The following DLGAP2 variants were observed in gnomAD, a reference collection of about 807,000 sequenced individuals.
The protein encoded by DLGAP2 is DLG associated protein 2.
DLGAP2 carries 26 observed loss-of-function variants against 100.3 expected under a neutral mutation model. The observed-to-expected ratio is 0.26, with a 90% CI of 0.19 to 0.36. The LOEUF (loss-of-function observed/expected upper bound fraction) is 0.36, where lower values mean the gene tolerates loss of function less well. Ranked by LOEUF, DLGAP2 falls within the 10% of genes least tolerant of loss-of-function variation. The pLI is 1.00. For missense variants in DLGAP2, 1,858 were observed against 1,453.2 expected, an observed-to-expected ratio of 1.28 and a Z score of -4.53; for synonymous variants, 886 against 630.1, an observed-to-expected ratio of 1.41 and a Z score of -6.08.
intron 4 of DLGAP2, among the ~76,000 whole-genome samples, chr8:1,506,454 G>A (rs1051569064): frequency 6.6e-6 from 1 of 152,206 alleles, no homozygotes; most frequent in African/African-American, 2.4e-5. Flanking sequence ...TGGTCGGTTT[G>A]TGGTCTCAAT....
intron 2 of DLGAP2, among the ~76,000 whole-genome samples, chr8:1,146,827 G>A (rs1447568118): frequency 6.6e-6 from 1 of 152,204 alleles, no homozygotes; most frequent in Non-Finnish European, 1.5e-5. Flanking sequence ...ACAAGGGTAG[G>A]CCTGTTTCAG....
intron 5 of DLGAP2, among the ~76,000 whole-genome samples, chr8:1,558,855 A>G (rs1421379841): frequency 7.7e-6 from 1 of 130,050 alleles, no homozygotes. Context: ...ATACCTGCAC[A>G]CACACATACA....
chr8:834,706 C>T (rs1055144019), intron 1 of DLGAP2, among the ~76,000 whole-genome samples: 2 of 151,984 alleles, frequency 1.3e-5, no homozygotes, highest in African/African-American at 4.8e-5. Context: ...GGTGCTATGC[C>T]CTATTGGGTA....
At chr8:1,059,883 C>T (rs1803023019) in intron 2 of DLGAP2, among the ~76,000 whole-genome samples, 1 of 152,114 alleles carries the variant, frequency 6.6e-6, no homozygotes, top group Non-Finnish European at 1.5e-5. Flanking sequence ...GGTCGCGATG[C>T]AAATCGCATT....
intron 2 of DLGAP2, among the ~76,000 whole-genome samples, chr8:1,196,033 C>T (rs1797742721): frequency 6.6e-6 from 1 of 152,178 alleles, no homozygotes; most frequent in South Asian, 2.1e-4. Context: ...CTCAAATAGC[C>T]ATGACGTAGA....
chr8:1,647,694 G>A (rs983782814), intron 8 of DLGAP2, among the ~76,000 whole-genome samples: 23 of 152,112 alleles, frequency 1.5e-4, no homozygotes, highest in South Asian at 4.2e-4. Flanking sequence ...CCCTCCCCAC[G>A]CTTGAGGCTG....
intron 4 of DLGAP2, among the ~76,000 whole-genome samples, chr8:1,502,879 C>T (rs1447817735): frequency 6.6e-6 from 1 of 152,140 alleles, no homozygotes; most frequent in African/African-American, 2.4e-5. Context: ...TCTGGGGCAG[C>T]AGGAGGTACC....
At chr8:1,310,460 G>T (rs1306044669) in intron 3 of DLGAP2, among the ~76,000 whole-genome samples, 1 of 152,154 alleles carries the variant, frequency 6.6e-6, no homozygotes, top group Non-Finnish European at 1.5e-5. Context: ...TAGTAAGCAG[G>T]ACGTCTACAC....
At chr8:1,286,522 T>C (rs1799925561) in intron 3 of DLGAP2, among the ~76,000 whole-genome samples, 1 of 152,162 alleles carries the variant, frequency 6.6e-6, no homozygotes, top group Admixed American at 6.6e-5. Flanking sequence ...ATTGCATAAA[T>C]GGAGGACCGA....
chr8:1,048,333 T>A (rs554930630), intron 2 of DLGAP2, among the ~76,000 whole-genome samples: 1 of 152,126 alleles, frequency 6.6e-6, no homozygotes, highest in South Asian at 2.1e-4. Context: ...CAAGGTGAAA[T>A]GTGAATCTAG....
chr8:973,585 G>T (rs554312235), intron 2 of DLGAP2, among the ~76,000 whole-genome samples: 2 of 152,188 alleles, frequency 1.3e-5, no homozygotes, highest in Non-Finnish European at 2.9e-5. Context: ...CTGCAATCTC[G>T]GCACTTTGGG....
chr8:1,316,887 A>T (rs1267333130), intron 3 of DLGAP2, among the ~76,000 whole-genome samples: 1 of 136,396 alleles, frequency 7.3e-6, no homozygotes, highest in Non-Finnish European at 1.5e-5. Context: ...GGCAGCTTTT[A>T]AAAATAGAGC....
intron 2 of DLGAP2, among the ~76,000 whole-genome samples, chr8:1,217,271 TC>T (rs1395947041): frequency 6.6e-6 from 1 of 152,200 alleles, no homozygotes; most frequent in Non-Finnish European, 1.5e-5. Flanking sequence ...GCCTCCATGT[TC>T]CTGCAAAGGA....
intron 2 of DLGAP2, among the ~76,000 whole-genome samples, chr8:967,533 T>A (rs973699723): frequency 2.0e-5 from 3 of 151,840 alleles, no homozygotes; most frequent in Non-Finnish European, 4.4e-5. Flanking sequence ...GATAAGGATG[T>A]GAAACCTAGA....
intron 2 of DLGAP2, among the ~76,000 whole-genome samples, chr8:922,382 T>A (rs1321813650): frequency 1.3e-5 from 2 of 152,198 alleles, no homozygotes; most frequent in Non-Finnish European, 2.9e-5. Context: ...CCGAATTTCT[T>A]ATTTCGAGAT....
intron 6 of DLGAP2, among the ~76,000 whole-genome samples, chr8:1,577,722 G>A (rs1404433041): frequency 6.6e-6 from 1 of 152,264 alleles, no homozygotes; most frequent in Non-Finnish European, 1.5e-5. Flanking sequence ...AGCAGCCCGG[G>A]GCCAGGGGAG....
chr8:850,395 T>G (rs1483214659), intron 1 of DLGAP2, among the ~76,000 whole-genome samples: 1 of 152,236 alleles, frequency 6.6e-6, no homozygotes, highest in East Asian at 1.9e-4. Context: ...GCAGAAATTT[T>G]ATTTCCAATT....
At chr8:1,386,260 A>G (rs1012380878) in intron 3 of DLGAP2, among the ~76,000 whole-genome samples, 1 of 152,264 alleles carries the variant, frequency 6.6e-6, no homozygotes, top group Non-Finnish European at 1.5e-5. Flanking sequence ...AAAATCACCA[A>G]TTCTAGAAAA....
Position 1,691,516 on chromosome 8 carries a change from T to C in DLGAP2, c.2705-19T>C, listed in dbSNP as rs1310141086. The C allele has an allele frequency of 6.2e-7, 1 of 1,604,344 alleles. No homozygotes were observed. Among genetic ancestry groups the C allele is most frequent in the Non-Finnish European group, 8.5e-7 (1 of 1,176,370 alleles). ...TTTTGAAGTTGTTGTTTTTTTGTTT[T>C]TGTTTTTGTTTTAAACAGTTCTCGG... On this transcript the variant is annotated intron_variant, in intron 12 of 14. Transcript: ENST00000637795.
Sources: gnomAD v4.1 joint callset for allele counts (sites outside exome capture counted in the v4.1 genomes callset) on GRCh38, gnomAD v4.1.1 for gene constraint, MANE v1.5 for transcripts, NCBI Gene and HGNC (gene_info 2026-07-23, HGNC 2026-07-21) for gene names.